Variants in UPRT observed in about 807,000 individuals in gnomAD.
The protein encoded by UPRT is RP11-311P8.3.
In UPRT, 5 loss-of-function variants were observed where a neutral mutation model predicts 22.6. That is an observed-to-expected ratio of 0.22 (90% CI 0.12 to 0.47). UPRT has a LOEUF of 0.47. Ranked by LOEUF, UPRT falls within the 20% of genes least tolerant of loss-of-function variation. The pLI, the probability that UPRT is intolerant of heterozygous loss-of-function variation, is 0.99. For missense variants in UPRT, 181 were observed against 239.9 expected, an observed-to-expected ratio of 0.75 and a Z score of 1.62; for synonymous variants, 77 against 87.7, an observed-to-expected ratio of 0.88 and a Z score of 0.68.
chrX:75,283,029 C>T (rs1256374834), intron 1 of UPRT, among the ~76,000 whole-genome samples: 1 of 111,797 alleles, frequency 8.9e-6, no homozygotes, highest in Non-Finnish European at 1.9e-5. Flanking sequence ...TATATAATGT[C>T]CCTCTTTGTC....
At chrX:75,199,772 C>T (rs775969678) in intron 4 of UPRT, among the ~76,000 whole-genome samples, 1 of 111,518 alleles carries the variant, frequency 9.0e-6, no homozygotes, top group Admixed American at 9.5e-5. Flanking sequence ...ACTTTAAGTT[C>T]TGAGATACAT....
intron 1 of UPRT, among the ~76,000 whole-genome samples, chrX:75,289,249 CA>C (rs1478234172): frequency 1.8e-5 from 2 of 110,704 alleles, no homozygotes; most frequent in African/African-American, 6.6e-5. Flanking sequence ...TACATCTAAT[CA>C]AGGGGGCAAA....
intron 4 of UPRT, among the ~76,000 whole-genome samples, chrX:75,236,713 T>G (rs1448551275): frequency 8.9e-6 from 1 of 112,580 alleles, no homozygotes; most frequent in East Asian, 2.8e-4. Context: ...ATTCCCTATT[T>G]AATAAATGGT....
intron 4 of UPRT, 30 bp from the exon 5 acceptor site, chrX:75,299,705 A>G (rs1464883139): frequency 2.5e-6 from 3 of 1,185,342 alleles, no homozygotes; most frequent in African/African-American, 1.8e-5. Flanking sequence ...CTTTCCCCTA[A>G]TCTTTTTTCT....
intron 4 of UPRT, among the ~76,000 whole-genome samples, chrX:75,175,347 G>C (rs1431496838): frequency 8.9e-6 from 1 of 112,026 alleles, no homozygotes; most frequent in African/African-American, 3.2e-5. Flanking sequence ...AACAAAAAAG[G>C]CATGTGAAAA....
chrX:75,296,232 A>C, intron 2 of UPRT, 110 bp from the exon 3 acceptor site: 4 of 727,485 alleles, frequency 5.5e-6, no homozygotes, highest in Non-Finnish European at 8.2e-6. Context: ...CCACAAGTGA[A>C]ACCTTTGCCT....
At chrX:75,192,764 T>G (rs141464667) in intron 4 of UPRT, among the ~76,000 whole-genome samples, 194 of 112,097 alleles carry the variant, frequency 1.7e-3, no homozygotes, top group African/African-American at 6.0e-3. Context: ...CTGTTTTCTC[T>G]GAAATTAAAA....
At chrX:75,236,981 C>T (rs138576355) in intron 4 of UPRT, among the ~76,000 whole-genome samples, 2,086 of 112,078 alleles carry the variant, frequency 0.019, 52 homozygotes, top group African/African-American at 0.065. Flanking sequence ...TTCTGCACAG[C>T]AAAAGAAACT....
chrX:75,266,947 G>C (rs1164689792), intron 4 of UPRT, among the ~76,000 whole-genome samples: 2 of 111,348 alleles, frequency 1.8e-5, no homozygotes, highest in Non-Finnish European at 3.8e-5. Context: ...AACAGGTTCT[G>C]GAGAGGATGT....
chrX:75,279,638 G>T (rs2082645431), intron 1 of UPRT, among the ~76,000 whole-genome samples: 1 of 111,028 alleles, frequency 9.0e-6, no homozygotes, highest in Admixed American at 9.6e-5. Flanking sequence ...AAAGCTTTCA[G>T]GTTTCACTTA....
At chrX:75,259,250 A>G (rs1253974847) in intron 4 of UPRT, among the ~76,000 whole-genome samples, 1 of 110,859 alleles carries the variant, frequency 9.0e-6, no homozygotes, top group Non-Finnish European at 1.9e-5. Flanking sequence ...CAGCAAGGGA[A>G]CAAAACTGGA....
intron 1 of UPRT, among the ~76,000 whole-genome samples, chrX:75,286,655 A>G (rs1230118112): frequency 8.9e-6 from 1 of 111,865 alleles, no homozygotes; most frequent in African/African-American, 3.3e-5. Flanking sequence ...TTGCCTCCCA[A>G]ACTCTTTCAT....
At chrX:75,203,623 C>T (rs2082354941) in intron 4 of UPRT, among the ~76,000 whole-genome samples, 1 of 110,700 alleles carries the variant, frequency 9.0e-6, no homozygotes, top group South Asian at 4.0e-4. Flanking sequence ...GCCAGTGCCA[C>T]CACTGTTTAC....
chrX:75,299,998 A>G, intron 5 of UPRT, 102 bp downstream of exon 5: 2 of 1,014,359 alleles, frequency 2.0e-6, no homozygotes, highest in Non-Finnish European at 1.3e-6. Flanking sequence ...AGAGTTTCTA[A>G]ATGTTTTTTT....
At chrX:75,163,205 G>T (rs1188076114) in exon 3 of UPRT, among the ~76,000 whole-genome samples, 2 of 111,545 alleles carry the variant, frequency 1.8e-5, no homozygotes, top group East Asian at 5.6e-4. Context: ...TCAGATCCTT[G>T]CCACGTGACC....
At chrX:75,203,544 G>A (rs2082354554) in intron 4 of UPRT, among the ~76,000 whole-genome samples, 1 of 105,938 alleles carries the variant, frequency 9.4e-6, no homozygotes, top group Non-Finnish European at 1.9e-5. Context: ...ACACACACAC[G>A]GTAGCTTAAC....
chrX:75,257,769 TA>T (rs1324429183), intron 4 of UPRT, among the ~76,000 whole-genome samples: 2 of 109,708 alleles, frequency 1.8e-5, no homozygotes, highest in African/African-American at 3.3e-5. Context: ...TATGATCCCT[TA>T]AAAAAAAATC....
chrX:75,172,161 C>T (rs946118016), intron 4 of UPRT, among the ~76,000 whole-genome samples: 3 of 111,731 alleles, frequency 2.7e-5, no homozygotes, highest in African/African-American at 9.8e-5. Context: ...AGAATATGCC[C>T]TTTGTCTTCA....
chrX:75,156,716 T>G (rs1167066061), intron 1 of UPRT: 2 of 334,198 alleles, frequency 6.0e-6, no homozygotes, highest in Non-Finnish European at 1.2e-5. Context: ...TGCATATTCT[T>G]ATCTTCACTC....
Sources: allele counts gnomAD v4.1 joint callset (sites outside exome capture counted in the v4.1 genomes callset), GRCh38; gene constraint gnomAD v4.1.1; transcripts MANE v1.5; gene names NCBI Gene and HGNC (gene_info 2026-07-23, HGNC 2026-07-21).